The following RSBN1 variants were observed in gnomAD, a reference collection of about 807,000 sequenced individuals.
The protein encoded by RSBN1 is round spermatid basic protein 1.
In RSBN1, 23 loss-of-function variants were observed where a neutral mutation model predicts 74.8. The observed-to-expected ratio is 0.31, with a 90% CI of 0.22 to 0.44. RSBN1 has a LOEUF of 0.44. Among genes scored for constraint, RSBN1 ranks in the 20% least tolerant of loss-of-function variants. The pLI, the probability that RSBN1 is intolerant of heterozygous loss-of-function variation, is 1.00. For synonymous variants in RSBN1, 407 were observed against 379.6 expected (o/e 1.07, Z -0.84); for missense variants, 808 against 1,020.9 (o/e 0.79, Z 2.84).
chr1:113,789,676 G>A (rs1437074029), intron 2 of RSBN1, among the ~76,000 whole-genome samples: 1 of 152,170 alleles, frequency 6.6e-6, no homozygotes, highest in Admixed American at 6.5e-5. Context: ...TGTCGGAATT[G>A]AATTGGATGA....
At chr1:113,770,785 C>CA (rs1481967907) in intron 4 of RSBN1, among the ~76,000 whole-genome samples, 1 of 151,602 alleles carries the variant, frequency 6.6e-6, no homozygotes, top group Non-Finnish European at 1.5e-5. Context: ...CCAAAATGAA[C>CA]AATGCTAAAA....
rs1660863162 is a variant in RSBN1 at position 113,811,912 on chromosome 1, G to A, written c.501C>T (p.Thr167=). 1 of 1,608,516 alleles carries A rather than the reference G, an allele frequency of 6.2e-7. No individual in the cohort carries two copies. Among genetic ancestry groups the A allele is most frequent in the African/African-American group, 1.3e-5 (1 of 74,798 alleles). The change falls in exon 1 of 7, where the codon ACC becomes ACT. Residue 167 remains threonine (T), a synonymous_variant. Transcript: ENST00000261441. The part of the protein sequence containing the change: ...AVAAPLPAPS[T]SALFTFSPLT... ...GAGGCGAGAAGGTGAAGAGGGCCGA[G>A]GTGCTTGGGGCCGGGAGAGGGGCAG...
chr1:113,799,223 T>C (rs1195872009), intron 1 of RSBN1, among the ~76,000 whole-genome samples: 1 of 152,158 alleles, frequency 6.6e-6, no homozygotes, highest in Non-Finnish European at 1.5e-5. Flanking sequence ...TGGATCTTTT[T>C]CTCCCCGCTT....
intron 2 of RSBN1, among the ~76,000 whole-genome samples, chr1:113,788,025 T>C (rs1660285068): frequency 6.6e-6 from 1 of 151,890 alleles, no homozygotes; most frequent in Non-Finnish European, 1.5e-5. Context: ...CAAGTATAAT[T>C]AGTATCAGAG....
intron 1 of RSBN1, among the ~76,000 whole-genome samples, chr1:113,799,565 TACACACACACACACAC>T (rs66958734): frequency 0.33 from 47,220 of 142,032 alleles, 9,454 homozygotes; most frequent in African/African-American, 0.57. Context: ...ATAGATGCTT[TACACACACACACACAC>T]ACACACACAC....
chr1:113,811,885 C>T lies in RSBN1; in HGVS notation c.528G>A (p.Leu176=). 6.2e-7 allele frequency: 1 copy of T among 1,612,770 alleles called. No individual in the cohort carries two copies. Among genetic ancestry groups the T allele is most frequent in the Non-Finnish European group, 8.5e-7 (1 of 1,179,636 alleles). ...GCTTGGGCCCGGCCGCGCTCACCGT[C>T]AGAGGCGAGAAGGTGAAGAGGGCCG... The part of the protein sequence containing the change: ...STSALFTFSP[L]TVSAAGPKHK... The change falls in exon 1 of 7, where the codon CTG becomes CTA. Residue 176 remains leucine (L), a synonymous_variant. Transcript: ENST00000261441.
chr1:113,788,789 A>T (rs987695629), intron 2 of RSBN1, among the ~76,000 whole-genome samples: 2 of 152,192 alleles, frequency 1.3e-5, no homozygotes, highest in African/African-American at 2.4e-5. Context: ...ACATGCGTGG[A>T]TAAAAAGACC....
rs1054978492 is a variant in RSBN1 at position 113,763,190 on chromosome 1, C to A, written c.*2790G>T. 3.9e-5 allele frequency: 6 copies of A among 152,736 alleles called. No homozygotes were observed. Among genetic ancestry groups the A allele is most frequent in the South Asian group, 2.1e-4 (1 of 4,828 alleles). 9.5% of individuals were successfully genotyped at this position (152,736 alleles called of 1,614,324 possible). On this transcript the variant is annotated 3_prime_UTR_variant, in exon 7 of 7. Coordinates refer to ENST00000261441, the MANE Select transcript of RSBN1 (RefSeq NM_018364.5). Reference sequence around the variant, plus strand: ...AGACTTTTATGCTTTTTAATGAATACCATGAAATTATTCTACTTTACTAAG... The same window carrying A: ...AGACTTTTATGCTTTTTAATGAATAACATGAAATTATTCTACTTTACTAAG...
At chr1:113,807,669 G>A (rs2101829003) in intron 1 of RSBN1, among the ~76,000 whole-genome samples, 1 of 151,920 alleles carries the variant, frequency 6.6e-6, no homozygotes, top group African/African-American at 2.4e-5. Flanking sequence ...GCTGAGGCAG[G>A]AGAATCGCTT....
intron 1 of RSBN1, among the ~76,000 whole-genome samples, chr1:113,798,440 G>A (rs1160364409): frequency 6.6e-6 from 1 of 151,926 alleles, no homozygotes; most frequent in Non-Finnish European, 1.5e-5. Flanking sequence ...TTAAATTTAA[G>A]CTAGGCATAT....
At position 113,768,235 on chromosome 1, in the gene RSBN1, G is replaced by C. The variant is rs1282205997; in HGVS notation, c.1813C>G (p.Gln605Glu). Residue 605 changes from glutamine (Q) to glutamate (E), a missense_variant, in exon 5 of 7, where the codon CAA (glutamine) becomes GAA (glutamate). Gln to Glu is a conservative substitution (Grantham distance 29). This residue lies in a region of RSBN1 where 18 missense variants were observed against 16.2 expected (regional missense o/e 1.11). Coordinates refer to ENST00000261441, the MANE Select transcript of RSBN1 (RefSeq NM_018364.5). Reference sequence around the variant, plus strand: ...CAATTAACTCACCATTCACCAAATTGTACAGCTTTCAAAACTCCAACAGCA... The same window carrying C: ...CAATTAACTCACCATTCACCAAATTCTACAGCTTTCAAAACTCCAACAGCA... ...TAAVGVLKAV[Q>E]FGEWSDQPRI... 6.2e-7 allele frequency: 1 copy of C among 1,608,086 alleles called. No homozygotes were observed. The highest frequency in any genetic ancestry group is 8.5e-7 in the Non-Finnish European group (1 of 1,177,644).
At chr1:113,775,846 A>G (rs1048348432) in intron 4 of RSBN1, among the ~76,000 whole-genome samples, 7 of 152,194 alleles carry the variant, frequency 4.6e-5, no homozygotes, top group African/African-American at 1.4e-4. Context: ...GGTTTTTACC[A>G]TGCCACCACC....
At chr1:113,794,814 T>A (rs147733955) in intron 2 of RSBN1, among the ~76,000 whole-genome samples, 120 of 152,304 alleles carry the variant, frequency 7.9e-4, no homozygotes, top group African/African-American at 2.8e-3. Context: ...ACTGAGCTCA[T>A]CAATTAGTCC....
At chr1:113,777,162 C>T in intron 4 of RSBN1, 48 bp downstream of exon 4, 1 of 1,556,860 alleles carries the variant, frequency 6.4e-7, no homozygotes, top group African/African-American at 1.4e-5. Context: ...TATAAGCAAC[C>T]AACTAAAAAA....
intron 6 of RSBN1, 124 bp downstream of exon 6, chr1:113,766,975 C>T (rs1444798261): frequency 1.8e-6 from 1 of 565,790 alleles, no homozygotes; most frequent in Non-Finnish European, 3.1e-6. Context: ...CCACCCCAGT[C>T]TTTAACAGTA....
rs1047371139 is a variant in RSBN1, at chr1:113,763,135, G to A, written c.*2845C>T. The A allele has an allele frequency of 6.6e-6, 1 of 152,618 alleles. No homozygotes were observed. Among genetic ancestry groups the A allele is most frequent in the Non-Finnish European group, 1.5e-5 (1 of 67,982 alleles). 9.5% of individuals were successfully genotyped at this position (152,618 alleles called of 1,614,324 possible). A position where few individuals can be genotyped will look rare whatever the true frequency, so the allele number is the denominator to read the frequency against. ...ATCATCCTACTCCTAGCATATCTTGGTATAGAGAATTACTTCTGGGGCAAG... is the reference window on the plus strand; with the variant it reads ...ATCATCCTACTCCTAGCATATCTTGATATAGAGAATTACTTCTGGGGCAAG... On this transcript the variant is annotated 3_prime_UTR_variant, in exon 7 of 7. Transcript: ENST00000261441.
At chr1:113,810,624 A>C (rs1052483858) in intron 1 of RSBN1, among the ~76,000 whole-genome samples, 1 of 152,142 alleles carries the variant, frequency 6.6e-6, no homozygotes, top group African/African-American at 2.4e-5. Flanking sequence ...AAATAGCACC[A>C]CCAAAAAAAA....
chr1:113,766,979 A>C (rs1659792743), intron 6 of RSBN1, 120 bp downstream of exon 6: 3 of 563,744 alleles, frequency 5.3e-6, no homozygotes, highest in Non-Finnish European at 9.3e-6. Flanking sequence ...CCCAGTCTTT[A>C]ACAGTAATAA....
intron 4 of RSBN1, among the ~76,000 whole-genome samples, chr1:113,770,401 C>T (rs1659865727): frequency 6.6e-6 from 1 of 152,110 alleles, no homozygotes; most frequent in African/African-American, 2.4e-5. Context: ...CATATGGTGC[C>T]TAGAACCAAC....
Sources: gnomAD v4.1 joint callset for allele counts (sites outside exome capture counted in the v4.1 genomes callset) on GRCh38, gnomAD v4.1.1 for gene constraint, gnomAD v4.1.1 regional missense constraint, MANE v1.5 for transcripts, NCBI Gene and HGNC (gene_info 2026-07-23, HGNC 2026-07-21) for gene names.